The following ROR2 variants were observed in gnomAD, a reference collection of about 807,000 sequenced individuals.
ROR2 encodes tyrosine-protein kinase transmembrane receptor ROR2.
In ROR2, 33 loss-of-function variants were observed where a neutral mutation model predicts 74.9. The ratio of observed to expected loss-of-function variants is 0.44; its 90% confidence interval spans 0.33 to 0.59. The LOEUF is 0.59. Ranked by LOEUF, ROR2 falls within the 20% of genes least tolerant of loss-of-function variation. The pLI is 0.02. For synonymous variants in ROR2, 586 were observed against 558.7 expected (o/e 1.05, Z -0.69); for missense variants, 1,216 against 1,313.8 (o/e 0.93, Z 1.15).
At position 91,756,743 on chromosome 9, in the gene ROR2, CTTTTTTTTTTTT is replaced by C. The variant is rs557043787; in HGVS notation, c.463+517_463+528del. Among the ~76,000 whole-genome samples the C allele has an allele frequency of 7.7e-5, 8 of 104,070 alleles. No individual in the cohort carries two copies. In the East Asian group the frequency reaches 1.7e-3, roughly 22 times the overall value. The allele number at this position is 104,070 out of a possible 152,430, so 68.3% of individuals were successfully genotyped here. On this transcript the variant is annotated intron_variant, in intron 3 of 8. Coordinates refer to ENST00000375708, the MANE Select transcript of ROR2 (RefSeq NM_004560.4). ...TCTGCACCTATTTTCTTTTTGTTCT[CTTTTTTTTTTTT>C]TTTTTTTTTTTTGAGACAGAGTTTC...
At chr9:91,802,486 C>A (rs1012946198) in intron 1 of ROR2, among the ~76,000 whole-genome samples, 2 of 152,122 alleles carry the variant, frequency 1.3e-5, no homozygotes, top group African/African-American at 4.8e-5. Context: ...GGAGCGACTT[C>A]CAGAGGCATC....
chr9:91,936,450 C>CT (rs1831692536), intron 1 of ROR2, among the ~76,000 whole-genome samples: 1 of 152,188 alleles, frequency 6.6e-6, no homozygotes, highest in Admixed American at 6.5e-5. Flanking sequence ...CAAACTGACC[C>CT]TTAAGGACAC....
At chr9:91,915,559 G>T (rs1415532952) in intron 1 of ROR2, among the ~76,000 whole-genome samples, 2 of 151,800 alleles carry the variant, frequency 1.3e-5, no homozygotes, top group Admixed American at 6.6e-5. Flanking sequence ...GTGAGCAGCA[G>T]CAAGATTTAT....
intron 7 of ROR2, among the ~76,000 whole-genome samples, chr9:91,729,458 G>C (rs1273869286): frequency 6.6e-6 from 1 of 152,186 alleles, no homozygotes; most frequent in Non-Finnish European, 1.5e-5. Flanking sequence ...TGTCTGATCT[G>C]CTGAGCCAGA....
intron 1 of ROR2, among the ~76,000 whole-genome samples, chr9:91,792,460 C>T (rs892174324): frequency 1.3e-5 from 2 of 152,148 alleles, no homozygotes; most frequent in Non-Finnish European, 2.9e-5. Context: ...AGGCGCCCGC[C>T]ACCACGCCCA....
At chr9:91,738,379 G>A (rs982305456) in intron 4 of ROR2, among the ~76,000 whole-genome samples, 1 of 152,158 alleles carries the variant, frequency 6.6e-6, no homozygotes. Context: ...CTGGTTAAGG[G>A]TGAGGATGAT....
rs1199286975 is a variant in ROR2 at position 91,863,531 on chromosome 9, C to CAAAAACA, written c.97+86329_97+86335dup. Among the ~76,000 whole-genome samples the CAAAAACA allele has an allele frequency of 2.0e-5, 3 of 151,758 alleles. No individual in the cohort carries two copies. In the East Asian group the frequency reaches 5.8e-4, roughly 29 times the overall value. ...AAAGTAAAAGAAAAGAAAACAAAAACAAAAACAAAAAACAAAAGAAACGTG... is the reference window on the plus strand; with the variant it reads ...AAAGTAAAAGAAAAGAAAACAAAAACAAAAACAAAAAACAAAAAACAAAAGAAACGTG... On this transcript the variant is annotated intron_variant, in intron 1 of 8. Coordinates refer to ENST00000375708, the MANE Select transcript of ROR2 (RefSeq NM_004560.4).
intron 1 of ROR2, among the ~76,000 whole-genome samples, chr9:91,793,769 A>AG (rs1245688129): frequency 1.3e-5 from 2 of 152,148 alleles, no homozygotes; most frequent in Admixed American, 6.5e-5. Context: ...TTCAAAAAAA[A>AG]AAAAAAAGAC....
chr9:91,894,797 T>C (rs1057480688), intron 1 of ROR2, among the ~76,000 whole-genome samples: 3 of 152,180 alleles, frequency 2.0e-5, no homozygotes, highest in African/African-American at 7.2e-5. Flanking sequence ...GCTGGGAGGA[T>C]GTGGAGCAAC....
At chr9:91,862,045 C>T (rs760706253) in intron 1 of ROR2, among the ~76,000 whole-genome samples, 69 of 152,136 alleles carry the variant, frequency 4.5e-4, no homozygotes, top group Non-Finnish European at 8.1e-4. Flanking sequence ...AGAAGAAGGC[C>T]GGGCATGGTG....
At chr9:91,865,096 A>G (rs532932297) in intron 1 of ROR2, among the ~76,000 whole-genome samples, 7 of 152,272 alleles carry the variant, frequency 4.6e-5, no homozygotes, top group East Asian at 3.9e-4. Context: ...GCTAAGGCTA[A>G]AAGTTTTTTT....
intron 1 of ROR2, among the ~76,000 whole-genome samples, chr9:91,884,651 A>G (rs1157081671): frequency 2.0e-5 from 3 of 151,732 alleles, no homozygotes; most frequent in Non-Finnish European, 4.4e-5. Flanking sequence ...CAAACTCATT[A>G]CTCTCTTGGA....
At chr9:91,909,838 G>GTTTTTTTTTTTTTTT (rs1278227036) in intron 1 of ROR2, among the ~76,000 whole-genome samples, 6 of 63,198 alleles carry the variant, frequency 9.5e-5, no homozygotes, top group African/African-American at 2.6e-4. Flanking sequence ...TTTTTTTTAG[G>GTTTTTTTTTTTTTTT]TTTGTTTTGT....
At chr9:91,888,744 C>T (rs1830351434) in intron 1 of ROR2, among the ~76,000 whole-genome samples, 1 of 152,272 alleles carries the variant, frequency 6.6e-6, no homozygotes, top group South Asian at 2.1e-4. Flanking sequence ...ACAAAACGAG[C>T]AGGAGGAAAT....
intron 1 of ROR2, among the ~76,000 whole-genome samples, chr9:91,932,755 G>A (rs1831582792): frequency 6.6e-6 from 1 of 152,150 alleles, no homozygotes; most frequent in Non-Finnish European, 1.5e-5. Context: ...AGTAGAGAAA[G>A]TGAACGCTTA....
intron 1 of ROR2, among the ~76,000 whole-genome samples, chr9:91,944,094 T>C (rs2118077544): frequency 6.6e-6 from 1 of 152,348 alleles, no homozygotes; most frequent in African/African-American, 2.4e-5. Context: ...AATTTCATCA[T>C]CATATGAACA....
In ROR2 at chr9:91,724,754, GTCA is replaced by G; in HGVS notation, c.1737_1739del (p.Asp580del). ...GCTCCAGGGCGGACTTCACCGTGCG[GTCA>G]TCATCGGTGCTGCCCACGTCCGAGT... is the stretch of plus-strand genomic sequence containing the variant. On this transcript the variant is annotated inframe_deletion, in exon 9 of 9. Coordinates refer to ENST00000375708, the MANE Select transcript of ROR2 (RefSeq NM_004560.4). 6.2e-7 allele frequency: 1 copy of G among 1,614,000 alleles called. No homozygotes were observed. The highest frequency in any genetic ancestry group is 8.5e-7 in the Non-Finnish European group (1 of 1,179,952).
intron 2 of ROR2, among the ~76,000 whole-genome samples, chr9:91,769,506 C>T (rs556015369): frequency 5.9e-5 from 9 of 152,306 alleles, no homozygotes; most frequent in African/African-American, 2.2e-4. Flanking sequence ...CCCTTGGCTA[C>T]ATAACAGCTG....
intron 1 of ROR2, among the ~76,000 whole-genome samples, chr9:91,812,024 A>G (rs962996624): frequency 1.7e-4 from 26 of 151,406 alleles, no homozygotes; most frequent in African/African-American, 6.3e-4. Context: ...CATAAAATAC[A>G]CTAACACTAA....
Sources: gnomAD v4.1 joint callset for allele counts (sites outside exome capture counted in the v4.1 genomes callset) on GRCh38, gnomAD v4.1.1 for gene constraint, MANE v1.5 for transcripts, NCBI Gene and HGNC (gene_info 2026-07-23, HGNC 2026-07-21) for gene names.